SNF8: variants seen among roughly 807,000 people sequenced by gnomAD.
The protein encoded by SNF8 is SNF8 subunit of ESCRT-II.
In SNF8, 19 loss-of-function variants were observed where a neutral mutation model predicts 36.8. That is an observed-to-expected ratio of 0.52 (90% confidence interval 0.36 to 0.76). The LOEUF is 0.76. Among genes scored for constraint, SNF8 ranks in the 30% least tolerant of loss-of-function variants. The probability of loss-of-function intolerance (pLI) is 0.00; values close to 1 mark genes in which losing one functional copy is unlikely to be tolerated. For synonymous variants in SNF8, 127 were observed against 127.4 expected (o/e 1.00, Z 0.02); for missense variants, 268 against 322.9 (o/e 0.83, Z 1.30).
chr17:48,930,413 C>T lies in SNF8; in HGVS notation c.*62G>A, dbSNP rs2040839589. The T allele has an allele frequency of 5.0e-6, 7 of 1,395,798 alleles. No homozygotes were observed. Among genetic ancestry groups the T allele is most frequent in the Non-Finnish European group, 6.6e-6 (7 of 1,063,468 alleles). 86.5% of individuals were successfully genotyped at this position (1,395,798 alleles called of 1,614,324 possible). On this transcript the variant is annotated 3_prime_UTR_variant, in exon 8 of 8. Coordinates refer to ENST00000502492, the MANE Select transcript of SNF8 (RefSeq NM_007241.4). ...CTATTTTTTGTATAAACAAAATTGCCCAGGTTTATTTGCCACCTCCGCCTC... is the reference window on the plus strand; with the variant it reads ...CTATTTTTTGTATAAACAAAATTGCTCAGGTTTATTTGCCACCTCCGCCTC...
intron 7 of SNF8, among the ~76,000 whole-genome samples, chr17:48,931,016 T>G (rs1381760457): frequency 6.6e-6 from 1 of 152,210 alleles, no homozygotes; most frequent in Admixed American, 6.5e-5. Context: ...ACCATACTTA[T>G]GCAAGAATAG....
In SNF8 at chr17:48,943,949, G is replaced by C. The variant is rs2041067150; in HGVS notation, c.81C>G (p.Val27=). The C allele has an allele frequency of 1.9e-6, 3 of 1,613,854 alleles. No individual in the cohort carries two copies. The highest frequency in any genetic ancestry group is 1.7e-5 in the Admixed American group (1 of 59,984). ...AEAKYKERGT[V]LAEDQLAQMS... Reference sequence around the variant, plus strand: ...CCTGGGCTAGCTGGTCCTCAGCCAAGACCGTCCCTCGCTCCTTATACTTGG... The same window carrying C: ...CCTGGGCTAGCTGGTCCTCAGCCAACACCGTCCCTCGCTCCTTATACTTGG... The change falls in exon 2 of 8, where the codon GTC becomes GTG. Residue 27 remains valine, a synonymous_variant. Coordinates refer to ENST00000502492, the MANE Select transcript of SNF8 (RefSeq NM_007241.4).
At chr17:48,932,646 G>A (rs9889674) in intron 6 of SNF8, 38,429 of 152,218 alleles carry the variant, frequency 0.25, 5,095 homozygotes, top group Admixed American at 0.37. Flanking sequence ...CCAGCTACTC[G>A]GGAGGCTGAG....
rs1598088495 is a variant in SNF8 at position 48,937,123 on chromosome 17, A to G, written c.246T>C (p.Ser82=). The change falls in exon 4 of 8, where the codon TCT becomes TCC. Residue 82 remains serine (S), a splice_region_variant and synonymous_variant. Coordinates refer to ENST00000502492, the MANE Select transcript of SNF8 (RefSeq NM_007241.4). Reference sequence around the variant, plus strand: ...GCATCTCAGACCAAAATCCTTTTCCAGCTACAAGACAGAAAAACAAAATCT... The same window carrying G: ...GCATCTCAGACCAAAATCCTTTTCCGGCTACAAGACAGAAAAACAAAATCT... The part of the protein sequence containing the change: ...CATIGVDPLA[S]GKGFWSEMLG... The G allele has an allele frequency of 8.1e-6, 13 of 1,611,680 alleles. No homozygotes were observed. The East Asian group carries it at 2.9e-4, about 36-fold the overall frequency.
At chr17:48,931,755 G>GT in intron 6 of SNF8, 38 bp from the exon 7 acceptor site, 1 of 1,536,490 alleles carries the variant, frequency 6.5e-7, no homozygotes, top group South Asian at 1.1e-5. Context: ...TCAGTTAAGA[G>GT]TGCACCTTCC....
rs2040823055 is a variant in SNF8, at chr17:48,929,371, C to T, written c.*1104G>A. 1 of 152,162 alleles carries T rather than the reference C, an allele frequency of 6.6e-6. No homozygotes were observed. The highest frequency in any genetic ancestry group is 1.5e-5 in the Non-Finnish European group (1 of 68,040). 9.4% of individuals were successfully genotyped at this position (152,162 alleles called of 1,614,324 possible). On this transcript the variant is annotated 3_prime_UTR_variant, in exon 8 of 8. Transcript: ENST00000502492. ...GGATAGGCAGAGGAAGAGATGGGCC[C>T]AGGCTATATCCTGCTAAAGGAAGGG...
chr17:48,930,554 T>G lies in SNF8; in HGVS notation c.698A>C (p.His233Pro). ...AGTGAAGAGAGCTGGCAGCCAGTAGTGGGCCTCCCCTGGGGCCTGTAAGTC... is the reference window on the plus strand; with the variant it reads ...AGTGAAGAGAGCTGGCAGCCAGTAGGGGGCCTCCCCTGGGGCCTGTAAGTC... ...WLDLQAPGEAHYWLPALFTDL... is the reference protein window; with the variant it reads ...WLDLQAPGEAPYWLPALFTDL... The change falls in exon 8 of 8, where the codon CAC becomes CCC. Residue 233 changes from histidine (H) to proline (P), a missense_variant. Transcript: ENST00000502492. 6.2e-7 allele frequency: 1 copy of G among 1,613,546 alleles called. No homozygotes were observed. Among genetic ancestry groups the G allele is most frequent in the Non-Finnish European group, 8.5e-7 (1 of 1,179,968 alleles).
chr17:48,944,638 A>ACGGGTCAG, intron 1 of SNF8, 43 bp downstream of exon 1: 1 of 1,600,530 alleles, frequency 6.2e-7, no homozygotes, highest in Middle Eastern at 1.7e-4. Context: ...TCAGTCTCGC[A>ACGGGTCAG]CGGGTCAGGG....
At chr17:48,933,629 G>C in intron 5 of SNF8, 1 of 331,524 alleles carries the variant, frequency 3.0e-6, no homozygotes, top group Non-Finnish European at 5.7e-6. Context: ...TAATCCTTGG[G>C]AGGCTGAGGC....
intron 5 of SNF8, 38 bp downstream of exon 5, chr17:48,936,130 CCT>C (rs777155041): frequency 1.7e-5 from 25 of 1,462,028 alleles, no homozygotes; most frequent in Middle Eastern, 3.5e-4. Context: ...ATTTTAAAGA[CCT>C]CTTTCTGTAC....
In SNF8 at chr17:48,930,724, TCTACTAAGTGC is replaced by T; in HGVS notation, c.640-123_640-113del. On this transcript the variant is annotated intron_variant, in intron 7 of 7. Transcript: ENST00000502492. ...GCTTCAGTGAGGTTTTCAAACTAAA[TCTACTAAGTGC>T]CTTCAAACCTTTACACAACCAACTA... 5 of 1,125,594 alleles carry T rather than the reference TCTACTAAGTGC, an allele frequency of 4.4e-6. No homozygotes were observed. The South Asian group carries it at 7.9e-5, about 18-fold the overall frequency. 69.7% of individuals were successfully genotyped at this position (1,125,594 alleles called of 1,614,324 possible).
chr17:48,931,603 GGCCT>G (rs2040860067), intron 7 of SNF8, 36 bp downstream of exon 7: 1 of 1,547,728 alleles, frequency 6.5e-7, no homozygotes, highest in Non-Finnish European at 8.8e-7. Flanking sequence ...TCCCAACTGG[GGCCT>G]GCCTGTCTTT....
At chr17:48,937,961 T>C (rs60775563) in intron 3 of SNF8, among the ~76,000 whole-genome samples, 2 of 124,246 alleles carry the variant, frequency 1.6e-5, no homozygotes, top group Non-Finnish European at 3.5e-5. Context: ...TAAATAAAAA[T>C]TTAAAAAATA....
intron 2 of SNF8, among the ~76,000 whole-genome samples, chr17:48,943,161 C>G (rs898908051): frequency 6.6e-6 from 1 of 151,916 alleles, no homozygotes; most frequent in Admixed American, 6.6e-5. Flanking sequence ...CCACAGCACC[C>G]GGCTCTCAAT....
Position 48,944,535 on chromosome 17 carries a change from G to C in SNF8, c.54+146C>G. On this transcript the variant is annotated intron_variant, in intron 1 of 7. Coordinates refer to ENST00000502492, the MANE Select transcript of SNF8 (RefSeq NM_007241.4). ...ATCTGGGAACGCTGCCAATCCACCGGAAGCTGGAGAAATTCTGTGTCCCGG... is the reference window on the plus strand; with the variant it reads ...ATCTGGGAACGCTGCCAATCCACCGCAAGCTGGAGAAATTCTGTGTCCCGG... 3 of 916,890 alleles carry C rather than the reference G, an allele frequency of 3.3e-6. No homozygotes were observed. The South Asian group carries it at 4.3e-5, about 13-fold the overall frequency. The allele number at this position is 916,890 out of a possible 1,614,324, so 56.8% of individuals were successfully genotyped here.
At chr17:48,936,588 C>A in intron 4 of SNF8, 1 of 312,130 alleles carries the variant, frequency 3.2e-6, no homozygotes, top group East Asian at 7.3e-5. Context: ...CACCATTTAA[C>A]GTGCTTACTA....
intron 2 of SNF8, among the ~76,000 whole-genome samples, chr17:48,941,506 A>ACC (rs368404825): frequency 6.6e-6 from 1 of 150,612 alleles, no homozygotes; most frequent in Admixed American, 6.7e-5. Flanking sequence ...GAAAATCTTT[A>ACC]CCCCCCCCAG....
intron 3 of SNF8, among the ~76,000 whole-genome samples, chr17:48,937,630 C>CAAA (rs779378205): frequency 0.42 from 59,425 of 142,958 alleles, 14,256 homozygotes; most frequent in East Asian, 0.7. Flanking sequence ...AACTCTCTCT[C>CAAA]AAAAAAAAAA....
Position 48,943,960 on chromosome 17 carries a change from G to A in SNF8, c.70C>T (p.Arg24Ter), listed in dbSNP as rs771709237. 3 of 1,613,804 alleles carry A rather than the reference G, an allele frequency of 1.9e-6. No homozygotes were observed. Among genetic ancestry groups the A allele is most frequent in the East Asian group, 4.5e-5 (2 of 44,862 alleles). The stretch of plus-strand genomic sequence containing the variant: ...TGGTCCTCAGCCAAGACCGTCCCTC[G>A]CTCCTTATACTTGGCCTGTCAGACA... The part of the protein sequence containing the change: ...KKLAEAKYKE[R>*]GTVLAEDQLA... The change falls in exon 2 of 8, where the codon CGA becomes TGA. Residue 24 changes from arginine (R) to a stop codon, truncating the protein, a stop_gained. Transcript: ENST00000502492. LOFTEE classifies it high-confidence loss of function.
Sources: allele counts gnomAD v4.1 joint callset (sites outside exome capture counted in the v4.1 genomes callset), GRCh38; gene constraint gnomAD v4.1.1; transcripts MANE v1.5; gene names NCBI Gene and HGNC (gene_info 2026-07-23, HGNC 2026-07-21).